STUM: variants seen among roughly 807,000 people sequenced by gnomAD.
STUM encodes stum, mechanosensory transduction mediator homolog.
A neutral mutation model predicts 15.3 loss-of-function variants in STUM; 8 were observed. The observed-to-expected ratio is 0.52, with a 90% CI of 0.31 to 0.94. The LOEUF is 0.94. STUM is among the 40% of genes least tolerant of loss of function. The pLI is 0.05. For missense variants in STUM, 142 were observed against 204.9 expected (o/e 0.69, Z 1.87); for synonymous variants, 78 against 88.7 (o/e 0.88, Z 0.68).
At chr1:226,564,156 G>C (rs1435214104) in intron 1 of STUM, among the ~76,000 whole-genome samples, 1 of 152,204 alleles carries the variant, frequency 6.6e-6, no homozygotes, top group Non-Finnish European at 1.5e-5. Context: ...GCCCACTCTT[G>C]GGTGAGCCCA....
chr1:226,578,911 A>G (rs479225), intron 1 of STUM, among the ~76,000 whole-genome samples: 111,099 of 152,164 alleles, frequency 0.73, 41,147 homozygotes, highest in African/African-American at 0.85. Flanking sequence ...GAAGTATTAG[A>G]GACTTAATCA....
At chr1:226,566,565 C>T (rs1667629299) in intron 1 of STUM, among the ~76,000 whole-genome samples, 1 of 151,980 alleles carries the variant, frequency 6.6e-6, no homozygotes, top group Non-Finnish European at 1.5e-5. Flanking sequence ...CAATTCAGGT[C>T]TCTTACCCAC....
chr1:226,576,771 G>A (rs965476115), intron 1 of STUM, among the ~76,000 whole-genome samples: 2 of 152,130 alleles, frequency 1.3e-5, no homozygotes, highest in Non-Finnish European at 2.9e-5. Context: ...AGAGTACAGG[G>A]CAGCAGAAAC....
intron 1 of STUM, among the ~76,000 whole-genome samples, chr1:226,586,694 G>T (rs745535207): frequency 2.0e-5 from 3 of 152,152 alleles, no homozygotes; most frequent in Non-Finnish European, 4.4e-5. Context: ...TTTAATCTCC[G>T]TGTCTACCCA....
intron 1 of STUM, among the ~76,000 whole-genome samples, chr1:226,563,155 A>C (rs570962982): frequency 6.6e-6 from 1 of 152,254 alleles, no homozygotes; most frequent in African/African-American, 2.4e-5. Context: ...TTTTAAAATA[A>C]AAAGTTAAAA....
At chr1:226,588,880 A>T (rs990878564) in intron 1 of STUM, among the ~76,000 whole-genome samples, 2 of 152,106 alleles carry the variant, frequency 1.3e-5, no homozygotes, top group African/African-American at 4.8e-5. Flanking sequence ...TCAGCTGTAC[A>T]TTTCCTTCCT....
In STUM at chr1:226,596,853, C is replaced by T. The variant is rs746342425; in HGVS notation, c.254C>T (p.Pro85Leu). 73 of 1,614,116 alleles carry T rather than the reference C, an allele frequency of 4.5e-5. No homozygotes were observed. Among genetic ancestry groups the T allele is most frequent in the South Asian group, 2.2e-4 (20 of 91,090 alleles). ...TVLCGARTDL[P>L]DRHVCCVFWL... Reference sequence around the variant, plus strand: ...CTGTGCGGGGCCCGCACCGACCTCCCGGACAGGCATGTGTGCTGCGTCTTC... The same window carrying T: ...CTGTGCGGGGCCCGCACCGACCTCCTGGACAGGCATGTGTGCTGCGTCTTC... The change falls in exon 2 of 4, where the codon CCG (proline) becomes CTG (leucine). Residue 85 changes from proline to leucine, a missense_variant. By Grantham distance (98) the Pro-to-Leu change is moderately conservative (BLOSUM62 -3). Transcript: ENST00000366788.
intron 1 of STUM, among the ~76,000 whole-genome samples, chr1:226,589,068 A>G (rs2102706699): frequency 6.6e-6 from 1 of 152,334 alleles, no homozygotes; most frequent in East Asian, 1.9e-4. Context: ...TTGCTGGCCT[A>G]GGTCCTGGGG....
intron 1 of STUM, among the ~76,000 whole-genome samples, chr1:226,575,285 G>A (rs1193469150): frequency 6.6e-6 from 1 of 152,264 alleles, no homozygotes; most frequent in Non-Finnish European, 1.5e-5. Flanking sequence ...GTGCTGTCAC[G>A]CTGCCCTATT....
intron 1 of STUM, among the ~76,000 whole-genome samples, chr1:226,556,385 C>T (rs1480519435): frequency 6.6e-6 from 1 of 152,114 alleles, no homozygotes; most frequent in Non-Finnish European, 1.5e-5. Context: ...GGAAGGCAGG[C>T]ACTAATGAAT....
intron 1 of STUM, among the ~76,000 whole-genome samples, chr1:226,582,942 A>G (rs951043578): frequency 6.6e-6 from 1 of 152,260 alleles, no homozygotes; most frequent in Non-Finnish European, 1.5e-5. Flanking sequence ...TATGGAGTTC[A>G]CAATTCTGTG....
In STUM at chr1:226,608,763, A is replaced by G. The variant is rs1238363168; in HGVS notation, c.*6723A>G. The G allele has an allele frequency of 6.6e-6, 1 of 152,116 alleles. No homozygotes were observed. The highest frequency in any genetic ancestry group is 1.5e-5 in the Non-Finnish European group (1 of 68,036). The allele number at this position is 152,116 out of a possible 1,614,324, so 9.4% of individuals were successfully genotyped here. A position where few individuals can be genotyped will look rare whatever the true frequency, so the allele number is the denominator to read the frequency against. On this transcript the variant is annotated 3_prime_UTR_variant, in exon 4 of 4. Transcript: ENST00000366788. The surrounding 1 kb of genome is among the most constrained non-coding windows in gnomAD (Gnocchi z 4.0). ...TGGAAGAAAACGTCTAATGTCGGGGACGTAGGGACGCTTCCAGACTTGCCC... is the reference window on the plus strand; with the variant it reads ...TGGAAGAAAACGTCTAATGTCGGGGGCGTAGGGACGCTTCCAGACTTGCCC...
chr1:226,591,451 T>C (rs1320757765), intron 1 of STUM, among the ~76,000 whole-genome samples: 2 of 152,146 alleles, frequency 1.3e-5, no homozygotes, highest in Admixed American at 1.3e-4. Context: ...GTCTCCTCCT[T>C]TAAATAAAGT....
intron 1 of STUM, among the ~76,000 whole-genome samples, chr1:226,560,169 A>G (rs1338696612): frequency 2.0e-5 from 3 of 152,130 alleles, no homozygotes; most frequent in Non-Finnish European, 4.4e-5. Context: ...AAAAACACAC[A>G]AAGTATATGA....
chr1:226,604,731 G>C lies in STUM; in HGVS notation c.*2691G>C, dbSNP rs982035046. On this transcript the variant is annotated 3_prime_UTR_variant, in exon 4 of 4. Coordinates refer to ENST00000366788, the MANE Select transcript of STUM (RefSeq NM_001003665.4). This position sits in a 1 kb window ranked among gnomAD's most constrained non-coding sequence, Gnocchi z 4.7. ...TGACACACAGCCCTTTGGTGACAAAGCTGGGCTTTGCCTGCATAGTGCAGA... is the reference window on the plus strand; with the variant it reads ...TGACACACAGCCCTTTGGTGACAAACCTGGGCTTTGCCTGCATAGTGCAGA... 1.3e-5 allele frequency: 2 copies of C among 152,272 alleles called. No individual in the cohort carries two copies. Among genetic ancestry groups the C allele is most frequent in the Non-Finnish European group, 2.9e-5 (2 of 68,050 alleles). The allele number at this position is 152,272 out of a possible 1,614,324, so 9.4% of individuals were successfully genotyped here. A position where few individuals can be genotyped will look rare whatever the true frequency, so the allele number is the denominator to read the frequency against.
intron 3 of STUM, among the ~76,000 whole-genome samples, chr1:226,601,558 A>T (rs1037461146): frequency 1.3e-5 from 2 of 152,124 alleles, no homozygotes; most frequent in African/African-American, 4.8e-5. Flanking sequence ...AGCAGGTTGG[A>T]CGCACACAGG....
intron 1 of STUM, among the ~76,000 whole-genome samples, chr1:226,576,505 G>C (rs1445096379): frequency 2.0e-5 from 3 of 152,204 alleles, no homozygotes; most frequent in Admixed American, 2.0e-4. Context: ...CCCATCTCTT[G>C]CCAAGGTTGC....
intron 1 of STUM, among the ~76,000 whole-genome samples, chr1:226,573,780 G>A (rs1037587083): frequency 6.6e-6 from 1 of 151,790 alleles, no homozygotes; most frequent in African/African-American, 2.4e-5. Context: ...TTTTGTGTAT[G>A]TATGTGGTAA....
intron 1 of STUM, among the ~76,000 whole-genome samples, chr1:226,594,218 G>T (rs1231638841): frequency 6.6e-6 from 1 of 152,180 alleles, no homozygotes; most frequent in Non-Finnish European, 1.5e-5. Flanking sequence ...GAGCCAGCGA[G>T]TTGGGCAGGG....
Sources: gnomAD v4.1 joint callset for allele counts (sites outside exome capture counted in the v4.1 genomes callset) on GRCh38, gnomAD v4.1.1 for gene constraint, Gnocchi (gnomAD v3.1) non-coding constraint, MANE v1.5 for transcripts, NCBI Gene and HGNC (gene_info 2026-07-23, HGNC 2026-07-21) for gene names.